Variants in EBF1 observed in about 807,000 individuals in gnomAD.
EBF1 encodes the protein transcription factor COE1.
EBF1 carries 10 observed loss-of-function variants against 68.4 expected under a neutral mutation model. The observed-to-expected ratio is 0.15, with a 90% CI of 0.09 to 0.25. The LOEUF is 0.25. EBF1 is among the 10% of genes least tolerant of loss of function. EBF1 has a pLI of 1.00. For synonymous variants in EBF1, 298 were observed against 299.8 expected, an observed-to-expected ratio of 0.99 and a Z score of 0.06; for missense variants, 509 against 794.4, an observed-to-expected ratio of 0.64 and a Z score of 4.32.
intron 8 of EBF1, among the ~76,000 whole-genome samples, chr5:158,822,335 T>C (rs987919251): frequency 6.6e-6 from 1 of 151,870 alleles, no homozygotes; most frequent in Admixed American, 6.6e-5. Flanking sequence ...GATGGATAGA[T>C]AGATGAACGG....
intron 10 of EBF1, among the ~76,000 whole-genome samples, chr5:158,742,354 G>A (rs941897159): frequency 1.3e-5 from 2 of 152,146 alleles, no homozygotes; most frequent in East Asian, 1.9e-4. Context: ...CTACATAATT[G>A]ACAGGATATA....
intron 15 of EBF1, among the ~76,000 whole-genome samples, chr5:158,702,771 AAAAAG>A (rs1296471441): frequency 2.7e-5 from 4 of 150,584 alleles, no homozygotes; most frequent in East Asian, 3.9e-4. Context: ...AAAAAAAAAA[AAAAAG>A]AATTATGAGC....
intron 11 of EBF1, among the ~76,000 whole-genome samples, chr5:158,722,517 C>A (rs374823812): frequency 6.6e-6 from 1 of 152,092 alleles, no homozygotes; most frequent in Non-Finnish European, 1.5e-5. Context: ...TACAAATGCA[C>A]GTGCATATTT....
intron 9 of EBF1, among the ~76,000 whole-genome samples, chr5:158,784,848 G>T (rs185221543): frequency 1.6e-4 from 24 of 152,248 alleles, no homozygotes; most frequent in African/African-American, 5.5e-4. Flanking sequence ...CCATTGAAGG[G>T]TCTGCGTTCT....
chr5:158,901,349 T>C (rs766763846), intron 6 of EBF1, among the ~76,000 whole-genome samples: 5 of 152,222 alleles, frequency 3.3e-5, no homozygotes, highest in Admixed American at 6.5e-5. Context: ...ATTTTCCTAT[T>C]ATTTGTCTGC....
intron 6 of EBF1, among the ~76,000 whole-genome samples, chr5:159,007,110 A>C (rs1164889517): frequency 6.6e-6 from 1 of 152,186 alleles, no homozygotes; most frequent in Non-Finnish European, 1.5e-5. Context: ...TATCATTGTC[A>C]ATACAGTTTC....
At chr5:158,831,386 G>A (rs1787529003) in intron 7 of EBF1, among the ~76,000 whole-genome samples, 1 of 152,116 alleles carries the variant, frequency 6.6e-6, no homozygotes, top group Non-Finnish European at 1.5e-5. Flanking sequence ...TACGTGGTGA[G>A]CCCACTATGT....
At chr5:158,770,784 G>A (rs1773713815) in intron 10 of EBF1, among the ~76,000 whole-genome samples, 1 of 152,048 alleles carries the variant, frequency 6.6e-6, no homozygotes, top group Non-Finnish European at 1.5e-5. Context: ...AATTTTTCCT[G>A]TAGAGAAATA....
intron 4 of EBF1, among the ~76,000 whole-genome samples, chr5:159,088,608 A>T (rs949230943): frequency 6.6e-6 from 1 of 152,188 alleles, no homozygotes; most frequent in Non-Finnish European, 1.5e-5. Flanking sequence ...CCATTTTAAT[A>T]GACAGCTGGT....
intron 6 of EBF1, among the ~76,000 whole-genome samples, chr5:158,894,113 C>G (rs1422799): frequency 0.33 from 49,768 of 151,992 alleles, 8,779 homozygotes; most frequent in South Asian, 0.58. Flanking sequence ...AAAAAAAGGT[C>G]ACTAAAATAA....
At chr5:158,770,394 C>A (rs1353237145) in intron 10 of EBF1, among the ~76,000 whole-genome samples, 1 of 152,148 alleles carries the variant, frequency 6.6e-6, no homozygotes, top group African/African-American at 2.4e-5. Context: ...ACATTCTGGT[C>A]TCCTATGCTT....
At chr5:158,712,926 G>C in intron 13 of EBF1, 44 bp downstream of exon 13, 1 of 1,392,468 alleles carries the variant, frequency 7.2e-7, no homozygotes, top group Middle Eastern at 1.9e-4. Context: ...TGAGGAGATG[G>C]GGTGCTTAAG....
chr5:159,051,791 A>G (rs1773808194), intron 6 of EBF1, among the ~76,000 whole-genome samples: 2 of 152,058 alleles, frequency 1.3e-5, no homozygotes, highest in South Asian at 2.1e-4. Flanking sequence ...CACAATCACA[A>G]TCGCAGCCAG....
chr5:158,771,281 C>T (rs1773825485), intron 10 of EBF1, among the ~76,000 whole-genome samples: 1 of 152,092 alleles, frequency 6.6e-6, no homozygotes, highest in Non-Finnish European at 1.5e-5. Flanking sequence ...GCATTACATA[C>T]ATTAACCCTT....
chr5:159,054,394 G>A (rs1172597794), intron 6 of EBF1, among the ~76,000 whole-genome samples: 1 of 152,116 alleles, frequency 6.6e-6, no homozygotes, highest in African/African-American at 2.4e-5. Flanking sequence ...TTAACGGTTG[G>A]ATAATTTAAA....
At chr5:158,878,523 C>G (rs1235312190) in intron 6 of EBF1, among the ~76,000 whole-genome samples, 1 of 152,156 alleles carries the variant, frequency 6.6e-6, no homozygotes, top group African/African-American at 2.4e-5. Context: ...TTAACCCCCA[C>G]AACAACACTA....
chr5:158,774,113 G>A (rs1030087747), intron 10 of EBF1, among the ~76,000 whole-genome samples: 1 of 152,154 alleles, frequency 6.6e-6, no homozygotes, highest in Non-Finnish European at 1.5e-5. Context: ...ATCCAGTCAG[G>A]ATTCACTTTC....
intron 6 of EBF1, among the ~76,000 whole-genome samples, chr5:158,930,106 C>T (rs1465440423): frequency 6.6e-6 from 1 of 152,030 alleles, no homozygotes; most frequent in Non-Finnish European, 1.5e-5. Flanking sequence ...AAATTCATTA[C>T]CATAAGCATT....
At chr5:158,837,098 T>A (rs1788977508) in intron 7 of EBF1, among the ~76,000 whole-genome samples, 1 of 152,202 alleles carries the variant, frequency 6.6e-6, no homozygotes, top group African/African-American at 2.4e-5. Context: ...GACTAATCAG[T>A]AGTTCTCAGT....
Sources: allele counts gnomAD v4.1 joint callset (sites outside exome capture counted in the v4.1 genomes callset), GRCh38; gene constraint gnomAD v4.1.1; transcripts MANE v1.5; gene names NCBI Gene and HGNC (gene_info 2026-07-23, HGNC 2026-07-21).